Variants in ITGBL1 observed in about 807,000 individuals in gnomAD.
ITGBL1 encodes the protein integrin beta-like protein 1.
In ITGBL1, 51 loss-of-function variants were observed where a neutral mutation model predicts 68.5. The ratio of observed to expected loss-of-function variants is 0.74; its 90% CI spans 0.59 to 0.94. ITGBL1 has a LOEUF of 0.94. Among genes scored for constraint, ITGBL1 ranks in the 40% least tolerant of loss-of-function variants. The pLI, the probability that ITGBL1 is intolerant of heterozygous loss-of-function variation, is 0.00. For synonymous variants in ITGBL1, 209 were observed against 227.3 expected, an observed-to-expected ratio of 0.92 and a Z score of 0.72; for missense variants, 649 against 647.4, an observed-to-expected ratio of 1.00 and a Z score of -0.03.
At chr13:101,703,584 A>G (rs1299750500) in intron 8 of ITGBL1, among the ~76,000 whole-genome samples, 1 of 152,212 alleles carries the variant, frequency 6.6e-6, no homozygotes, top group Non-Finnish European at 1.5e-5. Flanking sequence ...GAGACATGAC[A>G]GGAAGTTTTT....
intron 7 of ITGBL1, among the ~76,000 whole-genome samples, chr13:101,601,688 T>G (rs534612030): frequency 1.6e-4 from 24 of 152,362 alleles, no homozygotes; most frequent in Non-Finnish European, 2.5e-4. Flanking sequence ...TTCATTTCGT[T>G]ATGTACCCAG....
At position 101,453,952 on chromosome 13, in the gene ITGBL1, G is replaced by A. The variant is rs905071448; in HGVS notation, c.168G>A (p.Gln56=). The A allele has an allele frequency of 1.2e-5, 18 of 1,489,898 alleles. No individual in the cohort carries two copies. The African/African-American group carries it at 2.2e-4, about 18-fold the overall frequency. The allele number at this position is 1,489,898 out of a possible 1,614,324, so 92.3% of individuals were successfully genotyped here. Residue 56 remains glutamine, a synonymous_variant, in exon 2 of 11, where the codon CAG becomes CAA. Transcript: ENST00000376180. ...ESERRCRAPG[Q]PPGAALCHGR... is the part of the protein sequence containing the mutation. ...AGCGACGCTGCCGCGCACCTGGGCA[G>A]CCCCCGGGGGCCGCGCTGTGCCACG...
intron 2 of ITGBL1, among the ~76,000 whole-genome samples, chr13:101,500,545 T>C (rs1391975107): frequency 6.6e-6 from 1 of 152,196 alleles, no homozygotes; most frequent in Non-Finnish European, 1.5e-5. Flanking sequence ...AATTTAAAAA[T>C]CATTTACTAA....
chr13:101,692,768 A>G, intron 8 of ITGBL1, 67 bp downstream of exon 8: 1 of 971,810 alleles, frequency 1.0e-6, no homozygotes, highest in Admixed American at 1.8e-5. Context: ...TTGTTATTCT[A>G]CTGACTCTTG....
chr13:101,675,864 C>A (rs2033488936), intron 7 of ITGBL1, among the ~76,000 whole-genome samples: 1 of 152,068 alleles, frequency 6.6e-6, no homozygotes, highest in Admixed American at 6.6e-5. Context: ...CTTTTTCTTC[C>A]CTATCTAATC....
At chr13:101,711,308 T>G (rs2034456108) in intron 9 of ITGBL1, 1 of 152,238 alleles carries the variant, frequency 6.6e-6, no homozygotes, top group South Asian at 2.1e-4. Flanking sequence ...ACTGTCTCCT[T>G]AAACTCTCAC....
At position 101,676,978 on chromosome 13, in the gene ITGBL1, G is replaced by T. The variant is rs9582516; in HGVS notation, c.1016-15607G>T. Among the ~76,000 whole-genome samples the T allele has an allele frequency of 1.1e-3, 160 of 152,178 alleles. 1 individual carries two copies. The highest frequency in any genetic ancestry group is 3.6e-3 in the African/African-American group (150 of 41,526). On this transcript the variant is annotated intron_variant, in intron 7 of 10. Transcript: ENST00000376180. ...ATCTCTGCTAAAAATATAAAAATTA[G>T]CTGGGCGTGGTGGCACATGCCTGTA...
chr13:101,633,242 T>C (rs2032047713), intron 7 of ITGBL1, among the ~76,000 whole-genome samples: 1 of 152,226 alleles, frequency 6.6e-6, no homozygotes, highest in South Asian at 2.1e-4. Flanking sequence ...ATAATGAATG[T>C]ATCTACTTTT....
chr13:101,479,167 G>A (rs115860514), intron 2 of ITGBL1, among the ~76,000 whole-genome samples: 10,159 of 147,306 alleles, frequency 0.069, 515 homozygotes, highest in East Asian at 0.34. Context: ...CATCTACAGT[G>A]ACCTCATTTT....
At chr13:101,531,601 G>T in intron 2 of ITGBL1, among the ~76,000 whole-genome samples, 1 of 124,328 alleles carries the variant, frequency 8.0e-6, no homozygotes. Flanking sequence ...ACTTCATAGC[G>T]TATTTTTTGG....
At chr13:101,550,782 A>G (rs1475410543) in intron 2 of ITGBL1, among the ~76,000 whole-genome samples, 1 of 152,190 alleles carries the variant, frequency 6.6e-6, no homozygotes, top group Non-Finnish European at 1.5e-5. Flanking sequence ...TTGAATGTGC[A>G]AAGGAAATAT....
At position 101,567,848 on chromosome 13, in the gene ITGBL1, A is replaced by G. The variant is rs2050207043; in HGVS notation, c.463+3A>G. ...AGACATCATCTGCTCTAATGCAGGT[A>G]AGAAGTATACCCTGTGAAAATTGTT... On this transcript the variant is annotated splice_donor_region_variant and intron_variant, in intron 3 of 10. Transcript: ENST00000376180. The G allele has an allele frequency of 6.2e-7, 1 of 1,611,630 alleles. No individual in the cohort carries two copies. Among genetic ancestry groups the G allele is most frequent in the East Asian group, 2.2e-5 (1 of 44,778 alleles).
At chr13:101,680,787 T>C (rs973946505) in intron 7 of ITGBL1, among the ~76,000 whole-genome samples, 3 of 152,068 alleles carry the variant, frequency 2.0e-5, no homozygotes, top group African/African-American at 7.2e-5. Flanking sequence ...ATAAATGAGG[T>C]TTAACTTATT....
chr13:101,625,012 A>G (rs1045880053), intron 7 of ITGBL1, among the ~76,000 whole-genome samples: 1 of 152,230 alleles, frequency 6.6e-6, no homozygotes, highest in Non-Finnish European at 1.5e-5. Context: ...GAACATTGTC[A>G]GTATATAATG....
chr13:101,469,926 C>G (rs890885667), intron 2 of ITGBL1, among the ~76,000 whole-genome samples: 1 of 152,212 alleles, frequency 6.6e-6, no homozygotes. Context: ...TCTTTCTCCG[C>G]TATTGTTGCT....
chr13:101,658,116 T>C (rs1280234585), intron 7 of ITGBL1, among the ~76,000 whole-genome samples: 2 of 152,226 alleles, frequency 1.3e-5, no homozygotes, highest in African/African-American at 4.8e-5. Flanking sequence ...TCAGGTATAA[T>C]TCAAATGTGT....
intron 7 of ITGBL1, among the ~76,000 whole-genome samples, chr13:101,662,650 A>G (rs550944261): frequency 6.6e-6 from 1 of 151,968 alleles, no homozygotes; most frequent in African/African-American, 2.4e-5. Flanking sequence ...CCACTTTGAT[A>G]TTCTTATTAA....
intron 2 of ITGBL1, among the ~76,000 whole-genome samples, chr13:101,498,804 C>T (rs2048895900): frequency 1.3e-5 from 2 of 152,106 alleles, no homozygotes; most frequent in Non-Finnish European, 1.5e-5. Context: ...CTGATAAAGA[C>T]GTACCTGAGT....
intron 7 of ITGBL1, among the ~76,000 whole-genome samples, chr13:101,641,472 C>A (rs1215217177): frequency 6.6e-6 from 1 of 150,922 alleles, no homozygotes; most frequent in African/African-American, 2.4e-5. Context: ...GGTTTTTATT[C>A]TCAATTTTGG....
Sources: gnomAD v4.1 joint callset for allele counts (sites outside exome capture counted in the v4.1 genomes callset) on GRCh38, gnomAD v4.1.1 for gene constraint, MANE v1.5 for transcripts, NCBI Gene and HGNC (gene_info 2026-07-23, HGNC 2026-07-21) for gene names.